ADK: variants seen among roughly 807,000 people sequenced by gnomAD.
The protein encoded by ADK is N6,N6-dimethyladenosine kinase.
In ADK, 24 loss-of-function variants were observed where a neutral mutation model predicts 44.7. The ratio of observed to expected loss-of-function variants is 0.54; its 90% CI spans 0.39 to 0.76. ADK has a LOEUF of 0.76. Ranked by LOEUF, ADK falls within the 30% of genes least tolerant of loss-of-function variation. The pLI, the probability that ADK is intolerant of heterozygous loss-of-function variation, is 0.00. For synonymous variants in ADK, 128 were observed against 142.6 expected (o/e 0.90, Z 0.73); for missense variants, 321 against 425.1 (o/e 0.76, Z 2.15).
intron 6 of ADK, among the ~76,000 whole-genome samples, chr10:74,482,884 G>T (rs969355664): frequency 2.0e-5 from 3 of 152,176 alleles, no homozygotes; most frequent in Non-Finnish European, 2.9e-5. Context: ...CTGTTGCTCT[G>T]CAGGGCTCAG....
intron 1 of ADK, among the ~76,000 whole-genome samples, chr10:74,197,256 C>G (rs947226158): frequency 2.0e-5 from 3 of 152,262 alleles, no homozygotes; most frequent in Admixed American, 2.0e-4. Flanking sequence ...GAAAAGATGA[C>G]AGACACACAA....
chr10:74,415,341 A>C (rs1217996789), intron 6 of ADK, among the ~76,000 whole-genome samples: 1 of 152,180 alleles, frequency 6.6e-6, no homozygotes, highest in African/African-American at 2.4e-5. Context: ...AAATCTCTTT[A>C]ATAAACATGT....
At chr10:74,474,679 G>T (rs4745747) in intron 6 of ADK, among the ~76,000 whole-genome samples, 95,192 of 151,350 alleles carry the variant, frequency 0.63, 31,782 homozygotes, top group Middle Eastern at 0.8. Context: ...TGTGTGTGGG[G>T]GTGTGTGTGT....
chr10:74,306,042 A>G (rs939226523), intron 3 of ADK, among the ~76,000 whole-genome samples: 1 of 146,804 alleles, frequency 6.8e-6, no homozygotes, highest in Non-Finnish European at 1.5e-5. Flanking sequence ...TATTTTTTCA[A>G]TTTTTTTTTT....
At chr10:74,402,723 C>T (rs981525008) in intron 6 of ADK, among the ~76,000 whole-genome samples, 1 of 152,016 alleles carries the variant, frequency 6.6e-6, no homozygotes, top group Non-Finnish European at 1.5e-5. Context: ...TTGTTATTAC[C>T]TATCTTTTGA....
chr10:74,531,219 C>G (rs1849280283), intron 7 of ADK, among the ~76,000 whole-genome samples: 1 of 152,160 alleles, frequency 6.6e-6, no homozygotes, highest in African/African-American at 2.4e-5. Flanking sequence ...CATTCCTATC[C>G]TACTAGTCAG....
At chr10:74,541,890 A>G (rs1163716253) in intron 7 of ADK, among the ~76,000 whole-genome samples, 2 of 144,438 alleles carry the variant, frequency 1.4e-5, no homozygotes, top group Admixed American at 7.5e-5. Flanking sequence ...CGTTACTGGT[A>G]ATACTAACTT....
At chr10:74,562,464 A>T (rs1452273152) in intron 7 of ADK, among the ~76,000 whole-genome samples, 1 of 152,178 alleles carries the variant, frequency 6.6e-6, no homozygotes, top group Non-Finnish European at 1.5e-5. Flanking sequence ...ATGGGTGCAA[A>T]CACTTTCACT....
At chr10:74,240,816 A>G (rs750910917) in intron 3 of ADK, among the ~76,000 whole-genome samples, 20 of 152,196 alleles carry the variant, frequency 1.3e-4, no homozygotes, top group Non-Finnish European at 2.6e-4. Context: ...TGGGCCTGGG[A>G]AAAATATTTA....
chr10:74,707,967 A>G (rs568255919), intron 10 of ADK, among the ~76,000 whole-genome samples: 91 of 152,106 alleles, frequency 6.0e-4, no homozygotes, highest in African/African-American at 2.2e-3. Context: ...CCTGGCCAGC[A>G]TGGTGAAACC....
intron 1 of ADK, among the ~76,000 whole-genome samples, chr10:74,171,607 A>G (rs1376095883): frequency 5.9e-5 from 9 of 152,200 alleles, no homozygotes; most frequent in Admixed American, 5.9e-4. Context: ...AGACCCACTT[A>G]TCTTGATTCA....
intron 4 of ADK, among the ~76,000 whole-genome samples, chr10:74,382,362 A>C (rs1592131041): frequency 1.3e-5 from 2 of 152,002 alleles, no homozygotes; most frequent in African/African-American, 2.4e-5. Flanking sequence ...GCCTCCCAAA[A>C]TGCTGGGATT....
chr10:74,194,949 T>C (rs1315657571), intron 1 of ADK, among the ~76,000 whole-genome samples: 2 of 152,222 alleles, frequency 1.3e-5, no homozygotes, highest in Non-Finnish European at 2.9e-5. Flanking sequence ...GAAAAGATTT[T>C]CTCAGGAACT....
chr10:74,313,949 A>G (rs1161527166), intron 3 of ADK, among the ~76,000 whole-genome samples: 1 of 151,914 alleles, frequency 6.6e-6, no homozygotes, highest in Non-Finnish European at 1.5e-5. Flanking sequence ...CCATCCAACT[A>G]TTGATTTTTC....
chr10:74,239,316 G>T (rs909710026), intron 3 of ADK, among the ~76,000 whole-genome samples: 3 of 152,052 alleles, frequency 2.0e-5, no homozygotes, highest in Non-Finnish European at 4.4e-5. Flanking sequence ...CTCAGCAAAG[G>T]TAAGATTAGA....
chr10:74,338,482 T>A (rs781020380), intron 4 of ADK, among the ~76,000 whole-genome samples: 2 of 152,238 alleles, frequency 1.3e-5, no homozygotes, highest in Non-Finnish European at 2.9e-5. Flanking sequence ...TTACATCAGC[T>A]TAATTTGTAA....
chr10:74,406,544 G>T (rs58588373), intron 6 of ADK, among the ~76,000 whole-genome samples: 46,178 of 146,548 alleles, frequency 0.32, 7,713 homozygotes, highest in Middle Eastern at 0.42. Flanking sequence ...AGAAGAAGAA[G>T]AAGAAGAAGA....
intron 9 of ADK, among the ~76,000 whole-genome samples, chr10:74,630,768 A>AC (rs1327934127): frequency 6.6e-6 from 1 of 152,182 alleles, no homozygotes; most frequent in African/African-American, 2.4e-5. Flanking sequence ...TTCCATACAT[A>AC]CATGGATTAA....
chr10:74,422,329 A>G (rs1297981196), intron 6 of ADK, among the ~76,000 whole-genome samples: 1 of 152,258 alleles, frequency 6.6e-6, no homozygotes, highest in African/African-American at 2.4e-5. Flanking sequence ...TGAACAATGA[A>G]GAAAGACTAT....
Sources: gnomAD v4.1 joint callset for allele counts (sites outside exome capture counted in the v4.1 genomes callset) on GRCh38, gnomAD v4.1.1 for gene constraint, MANE v1.5 for transcripts, NCBI Gene and HGNC (gene_info 2026-07-23, HGNC 2026-07-21) for gene names.